BCAS3: variants seen among roughly 807,000 people sequenced by gnomAD.
The protein encoded by BCAS3 is BCAS3 microtubule associated cell migration factor.
A neutral mutation model predicts 116.1 loss-of-function variants in BCAS3; 53 were observed. That is an observed-to-expected ratio of 0.46 (90% CI 0.37 to 0.57). The LOEUF is 0.57. Ranked by LOEUF, BCAS3 falls within the 20% of genes least tolerant of loss-of-function variation. The pLI is 0.00. For missense variants in BCAS3, 917 were observed against 1,165.4 expected (o/e 0.79, Z 3.10); for synonymous variants, 391 against 408.2 (o/e 0.96, Z 0.51).
chr17:60,941,242 A>G (rs960549677), intron 13 of BCAS3, among the ~76,000 whole-genome samples: 1 of 152,176 alleles, frequency 6.6e-6, no homozygotes, highest in Non-Finnish European at 1.5e-5. Flanking sequence ...TTTTCCTTGT[A>G]TTCCCAGATG....
rs1214414241 is a variant in BCAS3 at position 61,373,804 on chromosome 17, CTTTGTTTTTTT to C, written c.2593+5314_2593+5324del. ...TTGCTGCTGTTAACTTCTTCTTCTT[CTTTGTTTTTTT>C]TTTTTTTTTTTTTGCTCTGTCACCC... On this transcript the variant is annotated intron_variant, in intron 23 of 23. Transcript: ENST00000407086. Among the ~76,000 whole-genome samples the C allele has an allele frequency of 7.9e-5, 6 of 76,132 alleles. 1 individual carries two copies. Among genetic ancestry groups the C allele is most frequent in the Non-Finnish European group, 1.6e-4 (6 of 36,692 alleles). 49.9% of individuals were successfully genotyped at this position (76,132 alleles called of 152,430 possible). A position where few individuals can be genotyped will look rare whatever the true frequency, so the allele number is the denominator to read the frequency against.
rs139180740 is a variant in BCAS3, at chr17:60,897,591, C to T, written c.739-5029C>T. Reference sequence around the variant, plus strand: ...GTTTCCCCAGATGTCATAATGTCTTCGCTTATTTTTAAAATTCTTTTTTCT... The same window carrying T: ...GTTTCCCCAGATGTCATAATGTCTTTGCTTATTTTTAAAATTCTTTTTTCT... On this transcript the variant is annotated intron_variant, in intron 10 of 23. Coordinates refer to ENST00000407086, the MANE Select transcript of BCAS3 (RefSeq NM_017679.5). Among the ~76,000 whole-genome samples the T allele has an allele frequency of 6.6e-4, 100 of 152,168 alleles. 5 individuals carry two copies. The highest frequency in any genetic ancestry group is 4.0e-3 in the East Asian group (21 of 5,190).
chr17:60,788,912 T>G (rs1036682244), intron 6 of BCAS3, among the ~76,000 whole-genome samples: 1 of 152,198 alleles, frequency 6.6e-6, no homozygotes, highest in Admixed American at 6.5e-5. Context: ...GGATAAAATT[T>G]AGATTTGCAA....
chr17:61,257,767 G>T (rs1328411889), intron 22 of BCAS3, among the ~76,000 whole-genome samples: 1 of 152,188 alleles, frequency 6.6e-6, no homozygotes, highest in East Asian at 1.9e-4. Context: ...CACTTAGCTT[G>T]TTTCTTCATC....
chr17:60,724,004 G>A (rs1165614680), intron 5 of BCAS3, among the ~76,000 whole-genome samples: 2 of 151,360 alleles, frequency 1.3e-5, no homozygotes, highest in East Asian at 3.9e-4. Context: ...ACAGGCGTGA[G>A]CCACCGTGCC....
Position 60,727,287 on chromosome 17 carries a change from C to T in BCAS3, c.321+17962C>T, listed in dbSNP as rs759424163. ...GGCTCAACACATTCTGGCCTTAGCA[C>T]AGTCTTCTTTGTGGTCTTAGCCTTC... On this transcript the variant is annotated intron_variant, in intron 5 of 23. Coordinates refer to ENST00000407086, the MANE Select transcript of BCAS3 (RefSeq NM_017679.5). 2.6e-4 allele frequency: 294 copies of T among 1,128,454 alleles called. 2 individuals are homozygous for T. The highest frequency in any genetic ancestry group is 1.0e-4 in the Admixed American group (6 of 58,998). 69.9% of individuals were successfully genotyped at this position (1,128,454 alleles called of 1,614,324 possible).
intron 5 of BCAS3, among the ~76,000 whole-genome samples, chr17:60,730,886 G>A (rs2040391543): frequency 6.6e-6 from 1 of 152,088 alleles, no homozygotes; most frequent in African/African-American, 2.4e-5. Context: ...TTGGCTTACA[G>A]GGTGTTTTGA....
In BCAS3 at chr17:61,256,171, C is replaced by T. The variant is rs11651006; in HGVS notation, c.2426-112156C>T. 0.048 allele frequency among the ~76,000 whole-genome samples: 7,267 copies of T among 152,242 alleles called. 293 individuals carry two copies. Among genetic ancestry groups the T allele is most frequent in the Non-Finnish European group, 0.068 (4,625 of 68,018 alleles). ...TTTTAACATGAAAGTACTATATTTA[C>T]CTTCAAAATGACCCTCACTTAGATC... On this transcript the variant is annotated intron_variant, in intron 22 of 23. Coordinates refer to ENST00000407086, the MANE Select transcript of BCAS3 (RefSeq NM_017679.5). This position sits in a 1 kb window ranked among gnomAD's most constrained non-coding sequence, Gnocchi z 5.6.
intron 3 of BCAS3, among the ~76,000 whole-genome samples, chr17:60,688,632 T>C (rs1284839991): frequency 7.2e-5 from 11 of 152,150 alleles, no homozygotes; most frequent in Admixed American, 2.6e-4. Flanking sequence ...CTGGCCAACA[T>C]GGTGAAACCC....
At chr17:60,834,872 A>G (rs149037967) in intron 7 of BCAS3, among the ~76,000 whole-genome samples, 4 of 152,074 alleles carry the variant, frequency 2.6e-5, no homozygotes, top group African/African-American at 4.8e-5. Context: ...TAGTGCTTCT[A>G]CTATAACCAA....
chr17:61,236,709 T>C (rs1050169182), intron 22 of BCAS3, among the ~76,000 whole-genome samples: 6 of 151,700 alleles, frequency 4.0e-5, no homozygotes, highest in Non-Finnish European at 7.4e-5. Flanking sequence ...TGGTATAAAG[T>C]AGTCAATTGT....
chr17:60,834,971 G>T (rs1257083322), intron 7 of BCAS3, among the ~76,000 whole-genome samples: 1 of 151,254 alleles, frequency 6.6e-6, no homozygotes, highest in Non-Finnish European at 1.5e-5. Flanking sequence ...GATTTTTAGG[G>T]AACTTTATGA....
Position 61,037,863 on chromosome 17 carries a change from A to G in BCAS3, c.1763-26A>G, listed in dbSNP as rs746200601. ...TGCTCCATTTATGCCATCATAACAC[A>G]TCGGGTTCTGTTTCTCTGTTTGTAG... On this transcript the variant is annotated intron_variant, in intron 17 of 23. Transcript: ENST00000407086. This position sits in a 1 kb window ranked among gnomAD's most constrained non-coding sequence, Gnocchi z 4.7. The G allele has an allele frequency of 6.2e-7, 1 of 1,606,310 alleles. No homozygotes were observed. The highest frequency in any genetic ancestry group is 1.1e-5 in the South Asian group (1 of 90,426).
In BCAS3 at chr17:61,084,625, C is replaced by T. The variant is rs151146995; in HGVS notation, c.2425+61C>T. The T allele has an allele frequency of 5.4e-5, 74 of 1,358,204 alleles. No homozygotes were observed. In the East Asian group the frequency reaches 9.9e-4, roughly 18 times the overall value. 84.1% of individuals were successfully genotyped at this position (1,358,204 alleles called of 1,614,324 possible). A position where few individuals can be genotyped will look rare whatever the true frequency, so the allele number is the denominator to read the frequency against. ...CCTGTGCATTTTTAACTAATTTTCT[C>T]GCACAATGTAGAGGATGACATTTAT... On this transcript the variant is annotated intron_variant, in intron 22 of 23. Coordinates refer to ENST00000407086, the MANE Select transcript of BCAS3 (RefSeq NM_017679.5). The surrounding 1 kb of genome is among the most constrained non-coding windows in gnomAD (Gnocchi z 5.5).
chr17:60,986,198 TC>T lies in BCAS3; in HGVS notation c.1222-3771del, dbSNP rs200270324. On this transcript the variant is annotated intron_variant, in intron 14 of 23. Transcript: ENST00000407086. ...CTTTCTTTTTATGGCTAAATAGTAC[TC>T]CATTGCGTATATATACCATATTTTC... 5.6e-3 allele frequency among the ~76,000 whole-genome samples: 851 copies of T among 152,358 alleles called. 10 individuals carry two copies. The highest frequency in any genetic ancestry group is 0.025 in the South Asian group (121 of 4,832).
chr17:60,843,105 T>A (rs2052128151), intron 7 of BCAS3, among the ~76,000 whole-genome samples: 1 of 151,594 alleles, frequency 6.6e-6, no homozygotes. Flanking sequence ...ATTTTTTATT[T>A]TTTTGTTACT....
intron 5 of BCAS3, among the ~76,000 whole-genome samples, chr17:60,718,760 C>G (rs1015461578): frequency 2.6e-5 from 4 of 151,994 alleles, no homozygotes; most frequent in African/African-American, 9.7e-5. Flanking sequence ...TTTTTTTGCC[C>G]ATTAAAAAAT....
At position 61,068,244 on chromosome 17, in the gene BCAS3, T is replaced by C. The variant is rs987517967; in HGVS notation, c.2030-6676T>C. Among the ~76,000 whole-genome samples the C allele has an allele frequency of 6.6e-6, 1 of 152,228 alleles. No homozygotes were observed. Among genetic ancestry groups the C allele is most frequent in the Admixed American group, 6.5e-5 (1 of 15,286 alleles). ...TTCTTTAAATAAACTCTATTAAGTT[T>C]TTTTTAGTACCTCCATTCGAAGAAA... is the stretch of plus-strand genomic sequence containing the variant. On this transcript the variant is annotated intron_variant, in intron 19 of 23. Transcript: ENST00000407086. This position sits in a 1 kb window ranked among gnomAD's most constrained non-coding sequence, Gnocchi z 4.3.
intron 13 of BCAS3, among the ~76,000 whole-genome samples, chr17:60,926,290 G>C (rs1460342664): frequency 6.6e-6 from 1 of 152,138 alleles, no homozygotes; most frequent in Non-Finnish European, 1.5e-5. Context: ...TTTGGTTGAT[G>C]TATCTAAGGA....
Sources: gnomAD v4.1 joint callset for allele counts (sites outside exome capture counted in the v4.1 genomes callset) on GRCh38, gnomAD v4.1.1 for gene constraint, Gnocchi (gnomAD v3.1) non-coding constraint, MANE v1.5 for transcripts, NCBI Gene and HGNC (gene_info 2026-07-23, HGNC 2026-07-21) for gene names.